Variants in HPS3 observed in about 807,000 individuals in gnomAD.
HPS3 encodes HPS3 biogenesis of lysosomal organelles complex 2 subunit 1, also known as BLOC-2 complex member HPS3.
A neutral mutation model predicts 110.9 loss-of-function variants in HPS3; 79 were observed. That is an observed-to-expected ratio of 0.71 (90% CI 0.59 to 0.86). The LOEUF (loss-of-function observed/expected upper bound fraction) is 0.86. Among genes scored for constraint, HPS3 ranks in the 40% least tolerant of loss-of-function variants. The pLI is 0.00. For missense variants in HPS3, 1,197 were observed against 1,206.2 expected (o/e 0.99, Z 0.11); for synonymous variants, 428 against 451.0 (o/e 0.95, Z 0.65).
intron 6 of HPS3, among the ~76,000 whole-genome samples, chr3:149,151,587 TAAAAAAAAAAAAAAA>T (rs1167453087): frequency 9.9e-5 from 4 of 40,300 alleles, no homozygotes; most frequent in Admixed American, 6.9e-4. Flanking sequence ...GCTTGGTTTC[TAAAAAAAAAAAAAAA>T]AAAAAAAAAA....
At position 149,162,679 on chromosome 3, in the gene HPS3, C is replaced by T. The variant is rs751408954; in HGVS notation, c.2293-11C>T. ...ATCTGGAATATAGAGGCTCCTTTTA[C>T]TGTTTTTAAGGTGCTTTGTGCTAAG... is the stretch of plus-strand genomic sequence containing the variant. On this transcript the variant is annotated splice_polypyrimidine_tract_variant and intron_variant, in intron 12 of 16. Transcript: ENST00000296051. 6.8e-6 allele frequency: 11 copies of T among 1,613,634 alleles called. No homozygotes were observed. The highest frequency in any genetic ancestry group is 9.3e-6 in the Non-Finnish European group (11 of 1,179,756).
At chr3:149,158,942 T>C (rs1723624556) in intron 10 of HPS3, 96 bp downstream of exon 10, 2 of 849,142 alleles carry the variant, frequency 2.4e-6, no homozygotes, top group South Asian at 3.4e-5. Flanking sequence ...ATTCCAAATA[T>C]TTTTCTTCTT....
Position 149,157,420 on chromosome 3 carries a change from T to A in HPS3, c.1580T>A (p.Leu527Gln). The A allele has an allele frequency of 6.2e-7, 1 of 1,613,928 alleles. No homozygotes were observed. Among genetic ancestry groups the A allele is most frequent in the Non-Finnish European group, 8.5e-7 (1 of 1,179,876 alleles). Residue 527 changes from leucine (L) to glutamine (Q), a missense_variant, in exon 9 of 17, where the codon CTG (leucine) becomes CAG (glutamine). By Grantham distance (113) the Leu-to-Gln change is moderately radical. Transcript: ENST00000296051. The part of the protein sequence containing the change: ...SCIHLLSEAH[L>Q]LVRAALMDAS... The stretch of plus-strand genomic sequence containing the variant: ...ATTCACCTTCTCAGTGAGGCTCATC[T>A]GTTAGTGCGAGCTGCCCTGATGGAT...
rs1363245838 is a variant in HPS3 at position 149,158,814 on chromosome 3, CTT to C, written c.1842_1843del (p.Tyr615Ter). ...RGLIFYINHS[L>X]YENLDEELNE... ...ATTAATCTTTTACATTAATCATTCA[CTT>C]TATGAAAACCTGGATGAAGAATTAA... On this transcript the variant is annotated frameshift_variant, in exon 10 of 17. Transcript: ENST00000296051. LOFTEE classifies it high-confidence loss of function. 5.6e-6 allele frequency: 9 copies of C among 1,601,790 alleles called. No individual in the cohort carries two copies. The African/African-American group carries it at 1.2e-4, about 21-fold the overall frequency.
chr3:149,162,039 T>C, intron 11 of HPS3, 109 bp from the exon 12 acceptor site: 2 of 881,482 alleles, frequency 2.3e-6, no homozygotes, highest in South Asian at 1.5e-5. Context: ...GATTAAATTA[T>C]TAATAGCTTA....
chr3:149,157,581 G>C (rs377019850), intron 9 of HPS3, 50 bp downstream of exon 9: 2 of 1,552,612 alleles, frequency 1.3e-6, no homozygotes, highest in East Asian at 4.5e-5. Context: ...TTGAACTTTG[G>C]GTACACTTGT....
At chr3:149,167,340 C>A in intron 15 of HPS3, 100 bp downstream of exon 15, 1 of 909,554 alleles carries the variant, frequency 1.1e-6, no homozygotes, top group Non-Finnish European at 1.7e-6. Flanking sequence ...TATGCTAATC[C>A]AACATCATAA....
rs1288529060 is a variant in HPS3, at chr3:149,173,527, G to C, written c.*1305G>C. ...AGTGTCAGTCATGTATCATTATATA[G>C]TCTGTTGATCTTTCCATTTGCAAAA... On this transcript the variant is annotated 3_prime_UTR_variant, in exon 17 of 17. Transcript: ENST00000296051. 2.1e-6 allele frequency: 1 copy of C among 483,256 alleles called. No homozygotes were observed. Among genetic ancestry groups the C allele is most frequent in the Non-Finnish European group, 3.8e-6 (1 of 262,212 alleles). The allele number at this position is 483,256 out of a possible 1,614,324, so 29.9% of individuals were successfully genotyped here.
chr3:149,149,933 A>G (rs1412011882), intron 5 of HPS3, among the ~76,000 whole-genome samples: 2 of 152,142 alleles, frequency 1.3e-5, no homozygotes, highest in Admixed American at 6.5e-5. Flanking sequence ...TTGTGGAAAG[A>G]GGTAGAGGAG....
At chr3:149,130,268 TCA>T in intron 1 of HPS3, 1 of 423,238 alleles carries the variant, frequency 2.4e-6, no homozygotes, top group Non-Finnish European at 4.3e-6. Context: ...CTTTAGTGCA[TCA>T]GATTTCAAAG....
rs536794577 is a variant in HPS3, at chr3:149,141,353, C to T, written c.943C>T (p.Leu315Phe). ...VLSDDIKLHSLQLLPIYQTGS... is the reference protein window; with the variant it reads ...VLSDDIKLHSFQLLPIYQTGS... Reference sequence around the variant, plus strand: ...GTCTGATGACATCAAGCTACATTCCCTCCAGCTGCTACCCATTTACCAGAC... The same window carrying T: ...GTCTGATGACATCAAGCTACATTCCTTCCAGCTGCTACCCATTTACCAGAC... The change falls in exon 4 of 17, where the codon CTC (leucine) becomes TTC (phenylalanine). Residue 315 changes from leucine to phenylalanine, a missense_variant. Leu to Phe is a conservative substitution (Grantham distance 22). Coordinates refer to ENST00000296051, the MANE Select transcript of HPS3 (RefSeq NM_032383.5). 4 of 1,613,872 alleles carry T rather than the reference C, an allele frequency of 2.5e-6. No individual in the cohort carries two copies. In the East Asian group the frequency reaches 6.7e-5, roughly 27 times the overall value.
At position 149,172,183 on chromosome 3, in the gene HPS3, A is replaced by T; in HGVS notation, c.2976A>T (p.Pro992=). The T allele has an allele frequency of 6.2e-7, 1 of 1,613,716 alleles. No individual in the cohort carries two copies. Among genetic ancestry groups the T allele is most frequent in the Non-Finnish European group, 8.5e-7 (1 of 1,179,676 alleles). The change falls in exon 17 of 17, where the codon CCA becomes CCT. Residue 992 remains proline (P), a synonymous_variant. Transcript: ENST00000296051. ...ATGGTACTGCAACATTTTTCTTGCC[A>T]TATCTTCTCTATTGCAGTCGAAAGA... ...PEDGTATFFL[P]YLLYCSRKKP...
At position 149,162,149 on chromosome 3, in the gene HPS3, T is replaced by C. The variant is rs770644016; in HGVS notation, c.2108T>C (p.Met703Thr). Residue 703 changes from methionine (M) to threonine (T), a missense_variant and splice_region_variant, in exon 12 of 17, where the codon ATG becomes ACG. Transcript: ENST00000296051. ...CCTAAATTTCTTTCTTATCTGAAGA[T>C]GAAGTTGGTATGTGGCTTCATTCTG... Reference protein sequence around the residue: ...HRNEMKSHSEMKLVCGFILEP... With the variant: ...HRNEMKSHSETKLVCGFILEP... 1 of 1,613,374 alleles carries C rather than the reference T, an allele frequency of 6.2e-7. No homozygotes were observed. The highest frequency in any genetic ancestry group is 1.3e-5 in the African/African-American group (1 of 74,906).
intron 1 of HPS3, among the ~76,000 whole-genome samples, chr3:149,134,307 G>C (rs1721947994): frequency 6.6e-6 from 1 of 152,112 alleles, no homozygotes; most frequent in African/African-American, 2.4e-5. Flanking sequence ...AGGCATAAGA[G>C]TTCTCACTTT....
At chr3:149,144,204 G>A (rs11918627) in intron 4 of HPS3, among the ~76,000 whole-genome samples, 6 of 141,842 alleles carry the variant, frequency 4.2e-5, no homozygotes, top group South Asian at 2.4e-4. Flanking sequence ...GCGAAACCCC[G>A]TCTCTACTAG....
intron 4 of HPS3, among the ~76,000 whole-genome samples, chr3:149,143,751 TAAA>T (rs931146038): frequency 1.3e-5 from 2 of 152,168 alleles, no homozygotes; most frequent in Non-Finnish European, 2.9e-5. Flanking sequence ...AGATATATGT[TAAA>T]AAAGAATAGG....
At chr3:149,166,140 TG>T in intron 14 of HPS3, 1 of 396,550 alleles carries the variant, frequency 2.5e-6, no homozygotes, top group Non-Finnish European at 5.0e-6. Context: ...ATTATTTTGG[TG>T]GTAGAATCAA....
chr3:149,140,975 A>G, intron 2 of HPS3, 42 bp from the exon 3 acceptor site: 1 of 1,569,166 alleles, frequency 6.4e-7, no homozygotes, highest in Non-Finnish European at 8.8e-7. Flanking sequence ...TGTAAAATCT[A>G]ATTTTCATTC....
At chr3:149,144,462 A>T (rs143724232) in intron 4 of HPS3, among the ~76,000 whole-genome samples, 1 of 152,220 alleles carries the variant, frequency 6.6e-6, no homozygotes. Context: ...TGACTAAAAA[A>T]CTTCTGTAAT....
Sources: allele counts gnomAD v4.1 joint callset (sites outside exome capture counted in the v4.1 genomes callset), GRCh38; gene constraint gnomAD v4.1.1; transcripts MANE v1.5; gene names NCBI Gene and HGNC (gene_info 2026-07-23, HGNC 2026-07-21).